The following ASCC3 variants were observed in gnomAD, a reference collection of about 807,000 sequenced individuals.
ASCC3 encodes the protein activating signal cointegrator 1 complex subunit 3, also known as ASC-1 complex subunit P200.
In ASCC3, 158 loss-of-function variants were observed where a neutral mutation model predicts 256.3. The observed-to-expected ratio is 0.62, with a 90% CI of 0.54 to 0.70. ASCC3 has a LOEUF of 0.70. Ranked by LOEUF, ASCC3 falls within the 30% of genes least tolerant of loss-of-function variation. The pLI is 0.00. For missense variants in ASCC3, 2,259 were observed against 2,626.0 expected (o/e 0.86, Z 3.05); for synonymous variants, 948 against 883.4 (o/e 1.07, Z -1.30).
At chr6:100,797,215 C>T (rs1285648967) in intron 8 of ASCC3, among the ~76,000 whole-genome samples, 4 of 151,738 alleles carry the variant, frequency 2.6e-5, no homozygotes, top group Admixed American at 6.6e-5. Context: ...TTTGGGAGGC[C>T]GAGGCGGGTG....
At chr6:100,734,049 T>C (rs1780028869) in intron 10 of ASCC3, among the ~76,000 whole-genome samples, 1 of 152,202 alleles carries the variant, frequency 6.6e-6, no homozygotes, top group East Asian at 1.9e-4. Context: ...TGATGCAAAT[T>C]AGTAATCCCC....
chr6:100,835,281 G>T lies in ASCC3; in HGVS notation c.801+12867C>A, dbSNP rs186352416. Among the ~76,000 whole-genome samples the T allele has an allele frequency of 3.5e-3, 534 of 152,128 alleles. 2 individuals are homozygous for T. The highest frequency in any genetic ancestry group is 0.012 in the African/African-American group (510 of 41,550). Reference sequence around the variant, plus strand: ...TTGTACAGATGCTTTTTAGATTGATGTAATACAATTTGTCTATTTTTGCTT... The same window carrying T: ...TTGTACAGATGCTTTTTAGATTGATTTAATACAATTTGTCTATTTTTGCTT... On this transcript the variant is annotated intron_variant, in intron 4 of 41. Coordinates refer to ENST00000369162, the MANE Select transcript of ASCC3 (RefSeq NM_006828.4).
chr6:100,641,745 C>A (rs1218670821), intron 24 of ASCC3, among the ~76,000 whole-genome samples: 1 of 152,118 alleles, frequency 6.6e-6, no homozygotes, highest in Non-Finnish European at 1.5e-5. Flanking sequence ...TTCACAATAG[C>A]AAAGACTTGG....
At chr6:100,800,703 GA>G (rs201422534) in intron 5 of ASCC3, among the ~76,000 whole-genome samples, 199 bp from the exon 6 acceptor site, 3,210 of 151,942 alleles carry the variant, frequency 0.021, 116 homozygotes, top group Admixed American at 0.093. Context: ...GGTGGTTTAA[GA>G]AAAGTCAGCA....
intron 2 of ASCC3, among the ~76,000 whole-genome samples, 177 bp from the exon 3 acceptor site, chr6:100,864,391 T>C (rs75429917): frequency 0.013 from 1,929 of 152,350 alleles, 20 homozygotes; most frequent in East Asian, 0.045. Context: ...AAATGGGTGT[T>C]CATAGATTCT....
intron 13 of ASCC3, among the ~76,000 whole-genome samples, chr6:100,691,976 A>G (rs550477442): frequency 6.6e-6 from 1 of 152,110 alleles, no homozygotes; most frequent in Non-Finnish European, 1.5e-5. Context: ...CAATAATTAC[A>G]AAGTACTAGG....
intron 14 of ASCC3, among the ~76,000 whole-genome samples, chr6:100,676,233 G>A (rs7747613): frequency 0.042 from 6,465 of 152,124 alleles, 240 homozygotes; most frequent in East Asian, 0.19. Context: ...TATGACAGGT[G>A]AAGTTTTATC....
intron 26 of ASCC3, among the ~76,000 whole-genome samples, chr6:100,630,287 G>C (rs1465126483): frequency 6.6e-6 from 1 of 151,952 alleles, no homozygotes; most frequent in African/African-American, 2.4e-5. Flanking sequence ...ACCTATTCTT[G>C]TTTATTTTAA....
intron 36 of ASCC3, among the ~76,000 whole-genome samples, chr6:100,568,487 T>G (rs1371765351): frequency 2.0e-5 from 3 of 152,126 alleles, no homozygotes; most frequent in African/African-American, 7.2e-5. Flanking sequence ...GTTGCTTGTA[T>G]GTCTTCTTTT....
intron 13 of ASCC3, among the ~76,000 whole-genome samples, chr6:100,706,228 C>G (rs1365313800): frequency 6.6e-6 from 1 of 150,662 alleles, no homozygotes; most frequent in East Asian, 1.9e-4. Flanking sequence ...TTTTCATTTT[C>G]CGACAGATGG....
At chr6:100,750,103 T>G (rs1335713079) in intron 10 of ASCC3, among the ~76,000 whole-genome samples, 2 of 151,826 alleles carry the variant, frequency 1.3e-5, no homozygotes, top group Non-Finnish European at 2.9e-5. Flanking sequence ...CCAAAATAAC[T>G]GCCCCCAAAC....
chr6:100,527,847 TG>T (rs1471865576), intron 37 of ASCC3, among the ~76,000 whole-genome samples: 4 of 151,922 alleles, frequency 2.6e-5, no homozygotes, highest in South Asian at 2.1e-4. Context: ...TTTTTTTTGT[TG>T]TTTTTTTTAA....
At chr6:100,564,234 C>T (rs919644520) in intron 36 of ASCC3, among the ~76,000 whole-genome samples, 5 of 151,652 alleles carry the variant, frequency 3.3e-5, no homozygotes, top group Non-Finnish European at 5.9e-5. Context: ...GTCTTCTCTT[C>T]TAACTATTTG....
At chr6:100,757,377 G>A (rs970515933) in intron 10 of ASCC3, among the ~76,000 whole-genome samples, 16 of 151,994 alleles carry the variant, frequency 1.1e-4, no homozygotes, top group African/African-American at 3.9e-4. Context: ...CTAGAGAGAT[G>A]ATGACAAAAT....
chr6:100,641,096 T>C (rs2114889445), intron 24 of ASCC3, among the ~76,000 whole-genome samples: 1 of 152,278 alleles, frequency 6.6e-6, no homozygotes, highest in South Asian at 2.1e-4. Flanking sequence ...TAGTTTAGGA[T>C]TTTTTGAAAT....
chr6:100,648,278 C>T (rs1476655107), intron 20 of ASCC3, among the ~76,000 whole-genome samples: 1 of 152,078 alleles, frequency 6.6e-6, no homozygotes, highest in Non-Finnish European at 1.5e-5. Context: ...ATTTTGCCTC[C>T]ACTCCTCTAT....
In ASCC3 at chr6:100,718,090, A is replaced by T; in HGVS notation, c.2064T>A (p.Ile688=). ...GAGTATTTACCTTATTTGCACATTT[A>T]ATCCCCAAAAATGTCTGTCCAAGAG... ...PVPLGQTFLG[I]KCANKMQQLN... Residue 688 remains isoleucine, a synonymous_variant, in exon 12 of 42, where the codon ATT becomes ATA. Coordinates refer to ENST00000369162, the MANE Select transcript of ASCC3 (RefSeq NM_006828.4). The T allele has an allele frequency of 6.2e-7, 1 of 1,613,420 alleles. No homozygotes were observed. Among genetic ancestry groups the T allele is most frequent in the South Asian group, 1.1e-5 (1 of 91,070 alleles).
chr6:100,679,863 C>T (rs550042969), intron 13 of ASCC3, 111 bp from the exon 14 acceptor site: 1 of 1,212,986 alleles, frequency 8.2e-7, no homozygotes, highest in Admixed American at 1.9e-5. Context: ...AAAACATAAT[C>T]ACAAATTTAC....
intron 39 of ASCC3, among the ~76,000 whole-genome samples, chr6:100,515,140 A>C (rs1481954059): frequency 4.6e-5 from 7 of 152,218 alleles, no homozygotes; most frequent in African/African-American, 1.7e-4. Flanking sequence ...TCGTATCTAA[A>C]ACTTGGCTTG....
Sources: gnomAD v4.1 joint callset for allele counts (sites outside exome capture counted in the v4.1 genomes callset) on GRCh38, gnomAD v4.1.1 for gene constraint, MANE v1.5 for transcripts, NCBI Gene and HGNC (gene_info 2026-07-23, HGNC 2026-07-21) for gene names.